Variants in CSMD3 observed in about 807,000 individuals in gnomAD.
CSMD3 encodes the protein CUB and sushi domain-containing protein 3.
A neutral mutation model predicts 435.2 loss-of-function variants in CSMD3; 177 were observed. The observed-to-expected ratio is 0.41, with a 90% CI of 0.36 to 0.46. The LOEUF (loss-of-function observed/expected upper bound fraction) is 0.46. CSMD3 is among the 20% of genes least tolerant of loss of function. The pLI, the probability that CSMD3 is intolerant of heterozygous loss-of-function variation, is 0.34. For synonymous variants in CSMD3, 1,656 were observed against 1,520.5 expected (o/e 1.09, Z -2.07); for missense variants, 4,265 against 4,504.6 (o/e 0.95, Z 1.52).
intron 14 of CSMD3, 52 bp from the exon 15 acceptor site, chr8:112,685,784 T>C (rs578015177): frequency 5.9e-5 from 66 of 1,121,816 alleles, no homozygotes; most frequent in Non-Finnish European, 8.3e-5. Context: ...AAATAATATT[T>C]CATCTTATTT....
chr8:113,316,223 G>A (rs1162151782), intron 1 of CSMD3, among the ~76,000 whole-genome samples: 1 of 152,120 alleles, frequency 6.6e-6, no homozygotes, highest in African/African-American at 2.4e-5. Flanking sequence ...CCTACAGGAA[G>A]CTGAAGTGCC....
chr8:113,195,514 T>C (rs1025132637), intron 3 of CSMD3, among the ~76,000 whole-genome samples: 1 of 150,748 alleles, frequency 6.6e-6, no homozygotes, highest in Non-Finnish European at 1.5e-5. Flanking sequence ...TAAGTAAATA[T>C]TTAATATAAG....
At chr8:113,420,447 G>C (rs1197879228) in intron 1 of CSMD3, among the ~76,000 whole-genome samples, 1 of 151,956 alleles carries the variant, frequency 6.6e-6, no homozygotes, top group Non-Finnish European at 1.5e-5. Context: ...AAACACAGTG[G>C]AATGCCCCTC....
chr8:113,301,035 TA>T (rs2093762115), intron 2 of CSMD3, among the ~76,000 whole-genome samples: 1 of 151,740 alleles, frequency 6.6e-6, no homozygotes, highest in Admixed American at 6.6e-5. Context: ...TTAACATAAT[TA>T]AACGTGATGT....
intron 2 of CSMD3, among the ~76,000 whole-genome samples, chr8:113,296,999 ATAAAGT>A (rs1256842177): frequency 6.6e-6 from 1 of 152,196 alleles, no homozygotes; most frequent in African/African-American, 2.4e-5. Flanking sequence ...CTACTTTCTC[ATAAAGT>A]TAAACACAAC....
intron 9 of CSMD3, 134 bp from the exon 10 acceptor site, chr8:112,921,885 G>C (rs949411812): frequency 4.3e-6 from 3 of 702,772 alleles, no homozygotes; most frequent in South Asian, 1.6e-5. Flanking sequence ...AACAAAATGT[G>C]AAAGTATGAC....
At chr8:112,545,513 T>C (rs1439757179) in intron 27 of CSMD3, among the ~76,000 whole-genome samples, 1 of 109,390 alleles carries the variant, frequency 9.1e-6, no homozygotes, top group African/African-American at 3.6e-5. Flanking sequence ...ATAATAATAA[T>C]AATAATAATA....
Position 112,244,539 on chromosome 8 carries a change from A to G in CSMD3, c.10257T>C (p.His3419=). The G allele has an allele frequency of 6.2e-7, 1 of 1,613,894 alleles. No individual in the cohort carries two copies. ...HSCKQPETPA[H]ANVVGMDLPS... Reference sequence around the variant, plus strand: ...GAAGGTCCATCCCTACGACATTTGCATGAGCAGGAGTTTCTGGCTGTTTAC... The same window carrying G: ...GAAGGTCCATCCCTACGACATTTGCGTGAGCAGGAGTTTCTGGCTGTTTAC... The change falls in exon 65 of 71, where the codon CAT becomes CAC. Residue 3419 remains histidine, a synonymous_variant. Transcript: ENST00000297405.
intron 38 of CSMD3, among the ~76,000 whole-genome samples, chr8:112,372,921 G>T (rs1828552746): frequency 6.7e-6 from 1 of 148,408 alleles, no homozygotes; most frequent in Admixed American, 6.8e-5. Context: ...TACCTTTTAG[G>T]TAAATAAAAA....
At chr8:113,116,576 T>C (rs62519763) in intron 4 of CSMD3, among the ~76,000 whole-genome samples, 51,860 of 151,990 alleles carry the variant, frequency 0.34, 9,736 homozygotes, top group East Asian at 0.69. Context: ...TAAAGATACC[T>C]GAAAATGTGA....
chr8:113,218,502 T>A (rs1380131755), intron 3 of CSMD3, among the ~76,000 whole-genome samples: 1 of 147,830 alleles, frequency 6.8e-6, no homozygotes. Flanking sequence ...TCATGACCAA[T>A]TGAACTTATC....
intron 30 of CSMD3, among the ~76,000 whole-genome samples, chr8:112,500,622 GA>G (rs1821842264): frequency 6.6e-6 from 1 of 152,138 alleles, no homozygotes; most frequent in Admixed American, 6.5e-5. Context: ...GAGTTAATAA[GA>G]AATCACTTAG....
intron 12 of CSMD3, among the ~76,000 whole-genome samples, chr8:112,827,160 CATAAATATATATATATATATAT>C (rs1454660466): frequency 9.3e-4 from 36 of 38,706 alleles, no homozygotes; most frequent in Middle Eastern, 0.037. Context: ...ACTAGGTTAC[CATAAATATATATATATATATAT>C]ATATATATAT....
chr8:113,251,786 C>A (rs1308115087), intron 3 of CSMD3, among the ~76,000 whole-genome samples: 1 of 151,994 alleles, frequency 6.6e-6, no homozygotes, highest in Non-Finnish European at 1.5e-5. Context: ...ATAACCTTAG[C>A]TTTAGTGACC....
At chr8:113,070,394 T>G (rs1001188871) in intron 5 of CSMD3, among the ~76,000 whole-genome samples, 1 of 152,020 alleles carries the variant, frequency 6.6e-6, no homozygotes, top group South Asian at 2.1e-4. Context: ...ATCAATAGTG[T>G]CTGCCATAAT....
intron 30 of CSMD3, among the ~76,000 whole-genome samples, chr8:112,495,162 G>T (rs568375262): frequency 6.6e-6 from 1 of 152,236 alleles, no homozygotes; most frequent in South Asian, 2.1e-4. Context: ...ACTTTACATT[G>T]TACCTTCCCT....
At chr8:113,140,852 A>G (rs947857538) in intron 4 of CSMD3, among the ~76,000 whole-genome samples, 2 of 151,066 alleles carry the variant, frequency 1.3e-5, no homozygotes, top group African/African-American at 4.8e-5. Flanking sequence ...AACCTAAAGA[A>G]GAGCAAACAA....
intron 1 of CSMD3, among the ~76,000 whole-genome samples, chr8:113,389,838 C>G (rs1200779601): frequency 1.3e-5 from 2 of 151,738 alleles, no homozygotes; most frequent in Non-Finnish European, 3.0e-5. Flanking sequence ...TTACCCTTCC[C>G]TCTTTGAAAA....
chr8:112,481,216 G>T (rs1819596849), intron 31 of CSMD3, among the ~76,000 whole-genome samples: 1 of 152,102 alleles, frequency 6.6e-6, no homozygotes, highest in Non-Finnish European at 1.5e-5. Flanking sequence ...AGAAGAAGGA[G>T]GAGGAGGAGG....
Sources: allele counts gnomAD v4.1 joint callset (sites outside exome capture counted in the v4.1 genomes callset), GRCh38; gene constraint gnomAD v4.1.1; transcripts MANE v1.5; gene names NCBI Gene and HGNC (gene_info 2026-07-23, HGNC 2026-07-21).